NOP58: variants seen among roughly 807,000 people sequenced by gnomAD.
NOP58 encodes the protein nucleolar protein 58.
A neutral mutation model predicts 71.2 loss-of-function variants in NOP58; 44 were observed. The observed-to-expected ratio is 0.62, with a 90% CI of 0.49 to 0.79. The LOEUF (loss-of-function observed/expected upper bound fraction) is 0.79, where lower values mean the gene tolerates loss of function less well. Ranked by LOEUF, NOP58 falls within the 30% of genes least tolerant of loss-of-function variation. The pLI is 0.00. For missense variants in NOP58, 538 were observed against 620.2 expected (o/e 0.87, Z 1.41); for synonymous variants, 228 against 200.3 (o/e 1.14, Z -1.17).
rs770766603 is a variant in NOP58 at position 202,282,438 on chromosome 2, C to T, written c.263C>T (p.Ala88Val). ...KIVKEAHEPLAVADAKLGGVI... is the reference protein window; with the variant it reads ...KIVKEAHEPLVVADAKLGGVI... ...GTAAAAGAAGCCCATGAACCGCTGG[C>T]AGTAGCTGATGCTAAACTAGGAGGG... The change falls in exon 4 of 15, where the codon GCA (alanine) becomes GTA (valine). Residue 88 changes from alanine (A) to valine (V), a missense_variant. Transcript: ENST00000264279. 5.0e-6 allele frequency: 8 copies of T among 1,611,950 alleles called. No individual in the cohort carries two copies. Among genetic ancestry groups the T allele is most frequent in the Non-Finnish European group, 8.5e-7 (1 of 1,179,564 alleles).
chr2:202,298,228 C>T (rs1344584040), intron 12 of NOP58, among the ~76,000 whole-genome samples: 1 of 152,082 alleles, frequency 6.6e-6, no homozygotes, highest in Admixed American at 6.5e-5. Context: ...TAATTTTTTT[C>T]CATGCCATTT....
chr2:202,267,403 A>G (rs938745595), intron 1 of NOP58, among the ~76,000 whole-genome samples: 2 of 152,116 alleles, frequency 1.3e-5, no homozygotes, highest in Admixed American at 6.6e-5. Flanking sequence ...TTTTAAGAAA[A>G]CCAATAAAAT....
At chr2:202,274,296 C>G (rs1044700785) in intron 1 of NOP58, among the ~76,000 whole-genome samples, 4 of 152,002 alleles carry the variant, frequency 2.6e-5, no homozygotes, top group African/African-American at 9.6e-5. Context: ...CGCGCAATCT[C>G]GGCTCACTGC....
At chr2:202,299,141 G>A (rs962848721) in intron 12 of NOP58, among the ~76,000 whole-genome samples, 1 of 151,764 alleles carries the variant, frequency 6.6e-6, no homozygotes, top group Non-Finnish European at 1.5e-5. Context: ...TGTATTTTTA[G>A]TAGAGTCGGG....
intron 12 of NOP58, among the ~76,000 whole-genome samples, chr2:202,299,683 G>A (rs1305978323): frequency 6.6e-6 from 1 of 151,906 alleles, no homozygotes; most frequent in Admixed American, 6.6e-5. Context: ...CACATTTTAG[G>A]CACTCATTTC....
chr2:202,272,963 T>C (rs1464733876), intron 1 of NOP58, among the ~76,000 whole-genome samples: 1 of 152,064 alleles, frequency 6.6e-6, no homozygotes, highest in East Asian at 1.9e-4. Context: ...TGAAACCCCA[T>C]CTCTACTAAA....
intron 1 of NOP58, among the ~76,000 whole-genome samples, chr2:202,273,357 AT>A (rs1559259499): frequency 6.6e-6 from 1 of 152,208 alleles, no homozygotes; most frequent in Non-Finnish European, 1.5e-5. Context: ...AGTTAGAGAT[AT>A]TGCTACATTT....
rs549948620 is a variant in NOP58 at position 202,302,090 on chromosome 2, T to C, written c.1403-831T>C. Among the ~76,000 whole-genome samples the C allele has an allele frequency of 7.7e-3, 1,049 of 135,996 alleles. 15 individuals are homozygous for C. Among genetic ancestry groups the C allele is most frequent in the African/African-American group, 0.027 (979 of 36,616 alleles). The allele number at this position is 135,996 out of a possible 152,430, so 89.2% of individuals were successfully genotyped here. A position where few individuals can be genotyped will look rare whatever the true frequency, so the allele number is the denominator to read the frequency against. On this transcript the variant is annotated intron_variant, in intron 13 of 14. Transcript: ENST00000264279. ...TCTTTTTCTTTTTTTTTTCTTTTTTTTTTTTTTTTTTTTTTGAGACAGAGT... is the reference window on the plus strand; with the variant it reads ...TCTTTTTCTTTTTTTTTTCTTTTTTCTTTTTTTTTTTTTTTGAGACAGAGT...
At chr2:202,270,337 T>C (rs768157451) in intron 1 of NOP58, among the ~76,000 whole-genome samples, 3 of 152,258 alleles carry the variant, frequency 2.0e-5, no homozygotes, top group African/African-American at 7.2e-5. Flanking sequence ...CTTTTTCACA[T>C]TTGTTGCGTG....
At chr2:202,294,093 T>TCGAC (rs1688949571) in intron 9 of NOP58, among the ~76,000 whole-genome samples, 1 of 151,036 alleles carries the variant, frequency 6.6e-6, no homozygotes, top group Non-Finnish European at 1.5e-5. Context: ...GGTGGGTGGG[T>TCGAC]CACCTGAGGT....
rs192738317 is a variant in NOP58, at chr2:202,301,730, A to T, written c.1403-1191A>T. On this transcript the variant is annotated intron_variant, in intron 13 of 14. Transcript: ENST00000264279. Reference sequence around the variant, plus strand: ...TGCCCTCCAAAACGCCTTACGACTTAAGCATCTGCTCTACTCTACCTGGAC... The same window carrying T: ...TGCCCTCCAAAACGCCTTACGACTTTAGCATCTGCTCTACTCTACCTGGAC... 3.2e-4 allele frequency among the ~76,000 whole-genome samples: 48 copies of T among 152,096 alleles called. 1 individual carries two copies. The highest frequency in any genetic ancestry group is 7.2e-4 in the Admixed American group (11 of 15,290).
intron 8 of NOP58, 101 bp downstream of exon 8, chr2:202,291,371 T>A: frequency 1.2e-6 from 1 of 840,330 alleles, no homozygotes. Context: ...GTTGTTCACC[T>A]GATAACATAA....
intron 4 of NOP58, among the ~76,000 whole-genome samples, chr2:202,283,068 C>G (rs1688730998): frequency 6.6e-6 from 1 of 152,070 alleles, no homozygotes; most frequent in Non-Finnish European, 1.5e-5. Flanking sequence ...AGAAAATTAA[C>G]CGGGTGTGGT....
intron 9 of NOP58, among the ~76,000 whole-genome samples, chr2:202,295,111 T>TAGCAAGAGATTTA (rs1370537052): frequency 2.6e-5 from 4 of 152,202 alleles, no homozygotes; most frequent in Non-Finnish European, 5.9e-5. Flanking sequence ...CTGAGTGGGA[T>TAGCAAGAGATTTA]AGCAAGAGAT....
intron 8 of NOP58, among the ~76,000 whole-genome samples, chr2:202,292,118 C>G (rs1330867303): frequency 3.3e-5 from 5 of 150,190 alleles, no homozygotes; most frequent in African/African-American, 1.2e-4. Flanking sequence ...CTCAGCCTCC[C>G]GAGTAGCTGG....
At chr2:202,276,362 A>C in intron 2 of NOP58, 2 of 296,412 alleles carry the variant, frequency 6.7e-6, no homozygotes, top group East Asian at 9.1e-5. Context: ...AAAAGATGAC[A>C]CTGTTTTAGG....
chr2:202,274,029 T>C (rs1260929430), intron 1 of NOP58, among the ~76,000 whole-genome samples: 1 of 152,086 alleles, frequency 6.6e-6, no homozygotes, highest in Non-Finnish European at 1.5e-5. Flanking sequence ...TTGGAGAATA[T>C]ATACCTAAAT....
At chr2:202,282,278 G>A (rs1688718196) in intron 3 of NOP58, 73 bp from the exon 4 acceptor site, 2 of 1,264,420 alleles carry the variant, frequency 1.6e-6, no homozygotes, top group African/African-American at 1.5e-5. Context: ...ATTTTTTTAA[G>A]TGTCAACTAG....
rs141914741 is a variant in NOP58 at position 202,277,931 on chromosome 2, CTTTTT to C, written c.123-13_123-9del. 1 of 1,190,544 alleles carries C rather than the reference CTTTTT, an allele frequency of 8.4e-7. No individual in the cohort carries two copies. Among genetic ancestry groups the C allele is most frequent in the South Asian group, 1.5e-5 (1 of 67,278 alleles). 73.7% of individuals were successfully genotyped at this position (1,190,544 alleles called of 1,614,324 possible). ...ACTGCCCCCAATAACATGTTTATCTCTTTTTTTTTTAATTCTAGAGTAAAGCTAAA... is the reference window on the plus strand; with the variant it reads ...ACTGCCCCCAATAACATGTTTATCTCTTTTTAATTCTAGAGTAAAGCTAAA... On this transcript the variant is annotated splice_polypyrimidine_tract_variant and intron_variant, in intron 2 of 14. Coordinates refer to ENST00000264279, the MANE Select transcript of NOP58 (RefSeq NM_015934.5).
Sources: allele counts gnomAD v4.1 joint callset (sites outside exome capture counted in the v4.1 genomes callset), GRCh38; gene constraint gnomAD v4.1.1; transcripts MANE v1.5; gene names NCBI Gene and HGNC (gene_info 2026-07-23, HGNC 2026-07-21).